The following NDFIP2 variants were observed in gnomAD, a reference collection of about 807,000 sequenced individuals.
NDFIP2 encodes the protein NEDD4 family-interacting protein 2.
Under a neutral mutation model 36.0 loss-of-function variants are expected in NDFIP2, and 19 were observed. The ratio of observed to expected loss-of-function variants is 0.53; its 90% CI spans 0.37 to 0.77. The LOEUF is 0.77. Among genes scored for constraint, NDFIP2 ranks in the 30% least tolerant of loss-of-function variants. The probability of loss-of-function intolerance (pLI) is 0.00; values close to 1 mark genes in which losing one functional copy is unlikely to be tolerated. For synonymous variants in NDFIP2, 181 were observed against 167.7 expected (o/e 1.08, Z -0.61); for missense variants, 446 against 435.8 (o/e 1.02, Z -0.21).
chr13:79,526,610 G>A (rs1446404824), intron 2 of NDFIP2, among the ~76,000 whole-genome samples: 2 of 152,130 alleles, frequency 1.3e-5, no homozygotes, highest in Non-Finnish European at 2.9e-5. Context: ...GGAGAATGAA[G>A]TTAGATAAAG....
Position 79,481,543 on chromosome 13 carries a change from G to GTGCCTCCCGGGAC in NDFIP2, c.321+29_321+41dup. Reference sequence around the variant, plus strand: ...CCAGGTGGTGAGTTCCCGGCCTCCTGTGCCTCCCGGGACTGCCTCCCGCCG... The same window carrying GTGCCTCCCGGGAC: ...CCAGGTGGTGAGTTCCCGGCCTCCTGTGCCTCCCGGGACTGCCTCCCGGGACTGCCTCCCGCCG... On this transcript the variant is annotated intron_variant, in intron 1 of 7. Transcript: ENST00000218652. The GTGCCTCCCGGGAC allele has an allele frequency of 1.3e-6, 2 of 1,540,380 alleles. No individual in the cohort carries two copies. Among genetic ancestry groups the GTGCCTCCCGGGAC allele is most frequent in the Admixed American group, 2.1e-5 (1 of 48,314 alleles).
intron 2 of NDFIP2, 106 bp downstream of exon 2, chr13:79,521,081 TGG>T: frequency 3.3e-6 from 3 of 905,270 alleles, no homozygotes; most frequent in Non-Finnish European, 4.9e-6. Context: ...TATATACACA[TGG>T]ATATTTATAT....
rs1259876715 is a variant in NDFIP2 at position 79,481,422 on chromosome 13, G to A, written c.219G>A (p.Val73=). 1 of 1,558,820 alleles carries A rather than the reference G, an allele frequency of 6.4e-7. No homozygotes were observed. The highest frequency in any genetic ancestry group is 8.7e-7 in the Non-Finnish European group (1 of 1,151,036). Residue 73 remains valine (V), a synonymous_variant, in exon 1 of 8, where the codon GTG becomes GTA. Transcript: ENST00000218652. ...GPAATTSSTG[V]AVGAEHGEDS... ...CGGCGACGACGTCGTCGACGGGGGT[G>A]GCCGTGGGAGCTGAGCACGGAGAAG...
intron 1 of NDFIP2, among the ~76,000 whole-genome samples, chr13:79,520,425 C>A (rs1479746239): frequency 6.6e-6 from 1 of 152,190 alleles, no homozygotes; most frequent in Non-Finnish European, 1.5e-5. Context: ...AGGCCAGAAA[C>A]CTTGGAGTCT....
intron 7 of NDFIP2, among the ~76,000 whole-genome samples, chr13:79,551,603 A>G (rs146464637): frequency 1.0e-3 from 151 of 151,666 alleles, no homozygotes; most frequent in Non-Finnish European, 2.0e-3. Context: ...GGATTAAGGA[A>G]TAAAAGTCAT....
chr13:79,535,166 T>C (rs1027087221), intron 3 of NDFIP2, among the ~76,000 whole-genome samples: 7 of 152,156 alleles, frequency 4.6e-5, no homozygotes, highest in Non-Finnish European at 1.0e-4. Context: ...TAAATGAACA[T>C]GCACATCTCT....
rs2079813621 is a variant in NDFIP2, at chr13:79,481,577, C to T, written c.321+53C>T. On this transcript the variant is annotated intron_variant, in intron 1 of 7. Transcript: ENST00000218652. ...GGGACTGCCTCCCGCCGCGGCGTCCCGAGAGTCCCTTTCCTCAGGTTATTC... is the reference window on the plus strand; with the variant it reads ...GGGACTGCCTCCCGCCGCGGCGTCCTGAGAGTCCCTTTCCTCAGGTTATTC... The T allele has an allele frequency of 4.7e-6, 7 of 1,498,874 alleles. No individual in the cohort carries two copies. The South Asian group carries it at 6.4e-5, about 14-fold the overall frequency. The allele number at this position is 1,498,874 out of a possible 1,614,324, so 92.8% of individuals were successfully genotyped here.
chr13:79,491,623 G>C (rs905078998), intron 1 of NDFIP2, among the ~76,000 whole-genome samples: 1 of 151,984 alleles, frequency 6.6e-6, no homozygotes, highest in African/African-American at 2.4e-5. Flanking sequence ...CTAAAACATT[G>C]CTCAATTGTA....
chr13:79,535,853 A>AT (rs971688038), intron 3 of NDFIP2, among the ~76,000 whole-genome samples: 6 of 152,352 alleles, frequency 3.9e-5, no homozygotes, highest in Middle Eastern at 3.4e-3. Flanking sequence ...ATGTATACAC[A>AT]TTTTAAAACA....
At chr13:79,484,383 C>G (rs752100131) in intron 1 of NDFIP2, among the ~76,000 whole-genome samples, 48 of 152,178 alleles carry the variant, frequency 3.2e-4, no homozygotes, top group Non-Finnish European at 6.6e-4. Context: ...CTGTACCAAG[C>G]TGACTTCTTA....
intron 1 of NDFIP2, among the ~76,000 whole-genome samples, chr13:79,504,223 A>G (rs1594844800): frequency 6.6e-6 from 1 of 152,130 alleles, no homozygotes; most frequent in Non-Finnish European, 1.5e-5. Flanking sequence ...TTTATTGAAA[A>G]ATAATTTTAG....
At chr13:79,514,407 C>T (rs1874197009) in intron 1 of NDFIP2, among the ~76,000 whole-genome samples, 2 of 152,096 alleles carry the variant, frequency 1.3e-5, no homozygotes, top group African/African-American at 4.8e-5. Context: ...GCAAGACAGA[C>T]ATAACCTCCA....
At position 79,535,742 on chromosome 13, in the gene NDFIP2, A is replaced by G. The variant is rs567559711; in HGVS notation, c.621+2286A>G. Among the ~76,000 whole-genome samples the G allele has an allele frequency of 2.0e-4, 30 of 152,322 alleles. No individual in the cohort carries two copies. The South Asian group carries it at 3.5e-3, about 18-fold the overall frequency. On this transcript the variant is annotated intron_variant, in intron 3 of 7. Transcript: ENST00000218652. ...CCTGATTGAGATGAAAAATTGGTCA[A>G]TGCTTGAAAATTGCTAGGAGAGTAG...
chr13:79,497,798 GT>G (rs1873501876), intron 1 of NDFIP2, among the ~76,000 whole-genome samples: 12 of 119,714 alleles, frequency 1.0e-4, no homozygotes, highest in Admixed American at 1.6e-4. Flanking sequence ...TGTGGGGGGT[GT>G]GTGTGTGTGT....
At chr13:79,533,272 T>C (rs374569123) in intron 2 of NDFIP2, 51 bp from the exon 3 acceptor site, 104 of 1,563,154 alleles carry the variant, frequency 6.7e-5, no homozygotes, top group Non-Finnish European at 8.2e-5. Context: ...TGGCTATGGC[T>C]ACAAAATTAA....
At chr13:79,494,308 A>C (rs1427168127) in intron 1 of NDFIP2, among the ~76,000 whole-genome samples, 1 of 152,076 alleles carries the variant, frequency 6.6e-6, no homozygotes. Flanking sequence ...AATGTATGAA[A>C]ACCATCTAAT....
At chr13:79,486,157 A>G (rs1200800896) in intron 1 of NDFIP2, among the ~76,000 whole-genome samples, 1 of 152,162 alleles carries the variant, frequency 6.6e-6, no homozygotes. Flanking sequence ...CCAAAATCCA[A>G]AAAAAATCTG....
intron 1 of NDFIP2, among the ~76,000 whole-genome samples, chr13:79,517,808 G>T (rs1274146768): frequency 2.0e-5 from 3 of 152,144 alleles, no homozygotes; most frequent in African/African-American, 7.2e-5. Context: ...GTTTTTGAAA[G>T]TAAGTTGGTC....
At chr13:79,508,486 G>C (rs1166109594) in intron 1 of NDFIP2, among the ~76,000 whole-genome samples, 1 of 152,214 alleles carries the variant, frequency 6.6e-6, no homozygotes, top group African/African-American at 2.4e-5. Flanking sequence ...GCTAAACAAT[G>C]GGTGGATCAT....
Sources: gnomAD v4.1 joint callset for allele counts (sites outside exome capture counted in the v4.1 genomes callset) on GRCh38, gnomAD v4.1.1 for gene constraint, MANE v1.5 for transcripts, NCBI Gene and HGNC (gene_info 2026-07-23, HGNC 2026-07-21) for gene names.